Variants in AIG1 observed in about 807,000 individuals in gnomAD.
AIG1 encodes androgen induced 1, also known as androgen-induced gene 1 protein.
AIG1 carries 23 observed loss-of-function variants against 31.4 expected under a neutral mutation model. The ratio of observed to expected loss-of-function variants is 0.73; its 90% CI spans 0.53 to 1.04. AIG1 has a LOEUF of 1.04. Ranked by LOEUF, AIG1 falls within the 50% of genes least tolerant of loss-of-function variation. The pLI is 0.00. For missense variants in AIG1, 274 were observed against 295.0 expected, an observed-to-expected ratio of 0.93 and a Z score of 0.52; for synonymous variants, 100 against 110.5, an observed-to-expected ratio of 0.90 and a Z score of 0.60.
intron 1 of AIG1, among the ~76,000 whole-genome samples, chr6:143,103,507 T>TC (rs1562378767): frequency 7.2e-6 from 1 of 139,526 alleles, no homozygotes; most frequent in African/African-American, 2.7e-5. Context: ...TTTTCTTTTT[T>TC]TTTTTTTTTT....
rs898951312 is a variant in AIG1, at chr6:143,231,297, C to T, written c.400-52813C>T. 6.6e-5 allele frequency among the ~76,000 whole-genome samples: 10 copies of T among 152,022 alleles called. 1 individual carries two copies. The East Asian group carries it at 9.7e-4, about 15-fold the overall frequency. On this transcript the variant is annotated intron_variant, in intron 3 of 5. Transcript: ENST00000357847. ...TTCACAGAATGGCAGTACCTAATGC[C>T]GAAATAGTGGAGGAAGGATTTTTTC...
chr6:143,246,277 A>G (rs959989584), intron 3 of AIG1, among the ~76,000 whole-genome samples: 4 of 152,200 alleles, frequency 2.6e-5, no homozygotes, highest in Non-Finnish European at 5.9e-5. Flanking sequence ...TTTACAAAAA[A>G]AAAAAAGAGG....
At chr6:143,190,340 G>A in intron 3 of AIG1, 1 of 985,430 alleles carries the variant, frequency 1.0e-6, no homozygotes, top group Non-Finnish European at 1.2e-6. Flanking sequence ...GATGCTTGAG[G>A]CTCCTCATGC....
intron 3 of AIG1, among the ~76,000 whole-genome samples, chr6:143,166,660 T>A (rs1416579907): frequency 6.6e-6 from 1 of 152,246 alleles, no homozygotes; most frequent in Non-Finnish European, 1.5e-5. Context: ...AATACATATT[T>A]ATTAAATTGA....
chr6:143,309,447 T>C (rs1281798490), intron 4 of AIG1, among the ~76,000 whole-genome samples: 2 of 152,030 alleles, frequency 1.3e-5, no homozygotes, highest in African/African-American at 4.8e-5. Flanking sequence ...CAACAACTTA[T>C]TAGCTGATTA....
At chr6:143,177,758 T>C (rs192532398) in intron 3 of AIG1, among the ~76,000 whole-genome samples, 1 of 152,128 alleles carries the variant, frequency 6.6e-6, no homozygotes, top group African/African-American at 2.4e-5. Flanking sequence ...CCTGGGTGGC[T>C]TCATCACTGG....
chr6:143,143,866 C>G (rs1198285850), intron 2 of AIG1, among the ~76,000 whole-genome samples: 2 of 151,990 alleles, frequency 1.3e-5, no homozygotes, highest in South Asian at 2.1e-4. Flanking sequence ...GGAAAATGAG[C>G]CATGTTTTCC....
At chr6:143,133,002 C>T (rs1477770446) in intron 1 of AIG1, among the ~76,000 whole-genome samples, 2 of 151,946 alleles carry the variant, frequency 1.3e-5, no homozygotes, top group East Asian at 3.9e-4. Context: ...CACTTGTCTA[C>T]CAATTCCAAT....
intron 2 of AIG1, among the ~76,000 whole-genome samples, chr6:143,161,398 G>A (rs954885783): frequency 3.3e-5 from 5 of 152,006 alleles, no homozygotes; most frequent in Admixed American, 6.6e-5. Context: ...AATTTATACT[G>A]TTACCAGAAT....
chr6:143,298,310 C>T lies in AIG1; in HGVS notation c.515+14085C>T, dbSNP rs981935964. Among the ~76,000 whole-genome samples the T allele has an allele frequency of 6.6e-6, 1 of 152,166 alleles. No individual in the cohort carries two copies. Among genetic ancestry groups the T allele is most frequent in the Admixed American group, 6.5e-5 (1 of 15,282 alleles). On this transcript the variant is annotated intron_variant, in intron 4 of 5. Coordinates refer to ENST00000357847, the MANE Select transcript of AIG1 (RefSeq NM_016108.4). The surrounding 1 kb of genome is among the most constrained non-coding windows in gnomAD (Gnocchi z 5.1). Reference sequence around the variant, plus strand: ...AAGACCCATCACATCAGGCCAAGTGCCTTCTATAAACATGTTCCCCTTATT... The same window carrying T: ...AAGACCCATCACATCAGGCCAAGTGTCTTCTATAAACATGTTCCCCTTATT...
chr6:143,179,771 T>A (rs1788548241), intron 3 of AIG1, among the ~76,000 whole-genome samples: 1 of 152,194 alleles, frequency 6.6e-6, no homozygotes, highest in African/African-American at 2.4e-5. Flanking sequence ...ATCTCCAGGA[T>A]CTATGAAAAT....
chr6:143,288,372 C>T lies in AIG1; in HGVS notation c.515+4147C>T, dbSNP rs1356454046. Among the ~76,000 whole-genome samples, 1 of 152,126 alleles carries T rather than the reference C, an allele frequency of 6.6e-6. No individual in the cohort carries two copies. Among genetic ancestry groups the T allele is most frequent in the African/African-American group, 2.4e-5 (1 of 41,428 alleles). On this transcript the variant is annotated intron_variant, in intron 4 of 5. Transcript: ENST00000357847. This position sits in a 1 kb window ranked among gnomAD's most constrained non-coding sequence, Gnocchi z 4.4. ...CAGAGCCCATGTGAGATCTCAGAAG[C>T]CATGTATAATACGTGCTGATCTCTC...
Position 143,333,446 on chromosome 6 carries a change from G to T in AIG1, c.679+1G>T. Reference sequence around the variant, plus strand: ...AACTATATCTGGGATACACAGAAAAGTAAGTATTGTCTGAGGGAACATAAA... The same window carrying T: ...AACTATATCTGGGATACACAGAAAATTAAGTATTGTCTGAGGGAACATAAA... On this transcript the variant is annotated splice_donor_variant, in intron 5 of 5. Coordinates refer to ENST00000357847, the MANE Select transcript of AIG1 (RefSeq NM_016108.4). LOFTEE classifies it high-confidence loss of function. This position sits in a 1 kb window ranked among gnomAD's most constrained non-coding sequence, Gnocchi z 4.6. 6.2e-7 allele frequency: 1 copy of T among 1,612,760 alleles called. No individual in the cohort carries two copies. Among genetic ancestry groups the T allele is most frequent in the Admixed American group, 1.7e-5 (1 of 59,718 alleles).
chr6:143,287,286 G>C (rs1201626192), intron 4 of AIG1, among the ~76,000 whole-genome samples: 1 of 152,114 alleles, frequency 6.6e-6, no homozygotes, highest in Non-Finnish European at 1.5e-5. Flanking sequence ...CTTTGAGCCA[G>C]ACACTGTGCC....
intron 2 of AIG1, among the ~76,000 whole-genome samples, chr6:143,164,038 C>T (rs1786678814): frequency 6.6e-6 from 1 of 152,152 alleles, no homozygotes; most frequent in South Asian, 2.1e-4. Flanking sequence ...TTTTCTTCCA[C>T]CGACCTACGA....
chr6:143,208,946 C>T (rs1791366576), intron 3 of AIG1, among the ~76,000 whole-genome samples: 2 of 152,028 alleles, frequency 1.3e-5, no homozygotes, highest in African/African-American at 4.8e-5. Flanking sequence ...GATCACCACC[C>T]TGGGTCCTGC....
intron 1 of AIG1, among the ~76,000 whole-genome samples, chr6:143,133,366 A>G (rs760158512): frequency 3.9e-5 from 6 of 152,026 alleles, no homozygotes; most frequent in Admixed American, 2.6e-4. Flanking sequence ...GGCCTCTTCT[A>G]TGTGATTAGT....
chr6:143,166,140 T>G (rs2154404), intron 3 of AIG1, among the ~76,000 whole-genome samples: 39,188 of 152,030 alleles, frequency 0.26, 5,920 homozygotes, highest in East Asian at 0.77. Flanking sequence ...CAAACATCAC[T>G]GTACTGAAGG....
intron 2 of AIG1, among the ~76,000 whole-genome samples, chr6:143,142,636 A>G (rs1784337990): frequency 6.6e-6 from 1 of 152,174 alleles, no homozygotes; most frequent in Non-Finnish European, 1.5e-5. Context: ...GCAAACTGGC[A>G]TGTGCCTGTA....
Sources: allele counts gnomAD v4.1 joint callset (sites outside exome capture counted in the v4.1 genomes callset), GRCh38; gene constraint gnomAD v4.1.1; non-coding constraint Gnocchi (gnomAD v3.1); transcripts MANE v1.5; gene names NCBI Gene and HGNC (gene_info 2026-07-23, HGNC 2026-07-21).